The following EXTL3 variants were observed in gnomAD, a reference collection of about 807,000 sequenced individuals.
The protein encoded by EXTL3 is exostosin-like 3.
In EXTL3, 27 loss-of-function variants were observed where a neutral mutation model predicts 69.3. The observed-to-expected ratio is 0.39, with a 90% CI of 0.29 to 0.54. The LOEUF (loss-of-function observed/expected upper bound fraction) is 0.54, where lower values mean the gene tolerates loss of function less well. Among genes scored for constraint, EXTL3 ranks in the 20% least tolerant of loss-of-function variants. The pLI is 0.69. For synonymous variants in EXTL3, 511 were observed against 499.4 expected, an observed-to-expected ratio of 1.02 and a Z score of -0.31; for missense variants, 1,003 against 1,231.8, an observed-to-expected ratio of 0.81 and a Z score of 2.78.
rs1802013578 is a variant in EXTL3 at position 28,751,842 on chromosome 8, TCAG to T, written c.*981_*983del. 1 of 152,344 alleles carries T rather than the reference TCAG, an allele frequency of 6.6e-6. No homozygotes were observed. Among genetic ancestry groups the T allele is most frequent in the Non-Finnish European group, 1.5e-5 (1 of 68,160 alleles). The allele number at this position is 152,344 out of a possible 1,614,324, so 9.4% of individuals were successfully genotyped here. A position where few individuals can be genotyped will look rare whatever the true frequency, so the allele number is the denominator to read the frequency against. On this transcript the variant is annotated 3_prime_UTR_variant, in exon 7 of 7. Transcript: ENST00000220562. ...GCTCTTTCTTGGATTGGACAGGAGA[TCAG>T]CAGCGTGCACATCTGCTGTGGTCTG...
chr8:28,682,074 T>C (rs1193155542), intron 1 of EXTL3, among the ~76,000 whole-genome samples: 1 of 152,092 alleles, frequency 6.6e-6, no homozygotes, highest in Admixed American at 6.6e-5. Flanking sequence ...AACAACAATA[T>C]ATAAGGTTTG....
chr8:28,675,478 G>A (rs997529592), intron 1 of EXTL3, among the ~76,000 whole-genome samples: 2 of 151,960 alleles, frequency 1.3e-5, no homozygotes, highest in Admixed American at 1.3e-4. Context: ...CAGCACGCTC[G>A]GTCCTCTCTT....
chr8:28,716,013 A>G lies in EXTL3; in HGVS notation c.-47A>G. ...TTTTGTGGAATAGCAACCCATGGTTATGGCGAGTGACCCGACGTGATCTGG... is the reference window on the plus strand; with the variant it reads ...TTTTGTGGAATAGCAACCCATGGTTGTGGCGAGTGACCCGACGTGATCTGG... On this transcript the variant is annotated 5_prime_UTR_variant, in exon 3 of 7. The change abolishes an upstream ATG in the 5' untranslated region. Transcript: ENST00000220562. This position sits in a 1 kb window ranked among gnomAD's most constrained non-coding sequence, Gnocchi z 7.1. 1 of 1,498,574 alleles carries G rather than the reference A, an allele frequency of 6.7e-7. No individual in the cohort carries two copies. Among genetic ancestry groups the G allele is most frequent in the Non-Finnish European group, 9.1e-7 (1 of 1,097,526 alleles). 92.8% of individuals were successfully genotyped at this position (1,498,574 alleles called of 1,614,324 possible).
Position 28,627,437 on chromosome 8 carries a change from C to G in EXTL3, c.-53+4627C>G, listed in dbSNP as rs568527747. ...GAGCTGAGGAGGTAGAGAGAGGCTG[C>G]AGTGAGCTGTGATTGCATCACTGTA... On this transcript the variant is annotated intron_variant, in intron 1 of 6. Transcript: ENST00000523149. Among the ~76,000 whole-genome samples, 4 of 148,272 alleles carry G rather than the reference C, an allele frequency of 2.7e-5. No individual in the cohort carries two copies. The East Asian group carries it at 7.9e-4, about 29-fold the overall frequency.
At chr8:28,653,616 AAC>A (rs1423200566) in intron 1 of EXTL3, among the ~76,000 whole-genome samples, 1 of 152,138 alleles carries the variant, frequency 6.6e-6, no homozygotes, top group Non-Finnish European at 1.5e-5. Context: ...ATTTGTTGAA[AAC>A]ACTCTCTTTT....
chr8:28,723,668 G>T (rs1801347347), intron 3 of EXTL3, among the ~76,000 whole-genome samples: 1 of 140,972 alleles, frequency 7.1e-6, no homozygotes, highest in Non-Finnish European at 1.5e-5. Context: ...TTGAGACAGA[G>T]TCTCACGCTG....
At chr8:28,701,402 G>C (rs1192018329), upstream of EXTL3, 2 of 151,840 alleles carry the variant, frequency 1.3e-5, no homozygotes. Context: ...GGCGGTCTTC[G>C]GACGCGGTCG....
At chr8:28,619,914 A>T (rs777137737), upstream of EXTL3, among the ~76,000 whole-genome samples, 5 of 111,230 alleles carry the variant, frequency 4.5e-5, no homozygotes, top group Non-Finnish European at 6.6e-5. Context: ...TCTGTCTCCC[A>T]GGCTGGAGTA....
At chr8:28,740,436 A>T (rs1258455278) in intron 5 of EXTL3, 1 of 152,240 alleles carries the variant, frequency 6.6e-6, no homozygotes, top group Non-Finnish European at 1.5e-5. Context: ...GGAGCATGCC[A>T]CCACACCTGG....
rs1401634851 is a variant in EXTL3 at position 28,635,641 on chromosome 8, G to C, written c.-53+12831G>C. Among the ~76,000 whole-genome samples, 6 of 151,430 alleles carry C rather than the reference G, an allele frequency of 4.0e-5. No homozygotes were observed. The East Asian group carries it at 1.2e-3, about 30-fold the overall frequency. On this transcript the variant is annotated intron_variant, in intron 1 of 6. Transcript: ENST00000523149. ...CAGGAGAATGGTGTGAACCTGGGAG[G>C]TGGAGCTTGCAGTGAGCTGAGATCG...
chr8:28,629,896 G>A (rs1017434546), intron 1 of EXTL3, among the ~76,000 whole-genome samples: 2 of 152,158 alleles, frequency 1.3e-5, no homozygotes, highest in Non-Finnish European at 2.9e-5. Context: ...GATAAGCAGA[G>A]ATGCAAGAGA....
intron 3 of EXTL3, among the ~76,000 whole-genome samples, chr8:28,724,174 T>A (rs1801359919): frequency 6.6e-6 from 1 of 152,150 alleles, no homozygotes; most frequent in African/African-American, 2.4e-5. Context: ...TTTTTGGGCA[T>A]TTTCTGTGTG....
In EXTL3 at chr8:28,614,795, T is replaced by C. The variant is rs143515911; in HGVS notation, n.314+7037T>C. ...TTCTTGAGACTTCTTCCATGTATTA[T>C]TTAGAATTATGTTTTTCATTTCCAA... On this transcript the variant is annotated intron_variant and non_coding_transcript_variant, in intron 2 of 4. Coordinates refer to the EXTL3 transcript ENST00000522725. 7.9e-5 allele frequency among the ~76,000 whole-genome samples: 12 copies of C among 152,352 alleles called. No homozygotes were observed. The East Asian group carries it at 1.7e-3, about 22-fold the overall frequency.
intron 1 of EXTL3, among the ~76,000 whole-genome samples, chr8:28,656,650 T>C (rs888999789): frequency 2.0e-5 from 3 of 152,174 alleles, no homozygotes; most frequent in Non-Finnish European, 4.4e-5. Context: ...GTCTACTGTA[T>C]TTTTTCAAGT....
At position 28,623,151 on chromosome 8, in the gene EXTL3, C is replaced by CA. The variant is rs1806440571; in HGVS notation, c.-53+342dup. ...AGAACTGGGAGAGTGTGGCTGTCGGCAGGGGTCCGTATCACACTGTGGGCG... is the reference window on the plus strand; with the variant it reads ...AGAACTGGGAGAGTGTGGCTGTCGGCAAGGGGTCCGTATCACACTGTGGGCG... On this transcript the variant is annotated intron_variant, in intron 1 of 6. Coordinates refer to the EXTL3 transcript ENST00000523149. This position sits in a 1 kb window ranked among gnomAD's most constrained non-coding sequence, Gnocchi z 4.2. Among the ~76,000 whole-genome samples the CA allele has an allele frequency of 6.6e-6, 1 of 152,064 alleles. No homozygotes were observed. Among genetic ancestry groups the CA allele is most frequent in the African/African-American group, 2.4e-5 (1 of 41,478 alleles).
chr8:28,619,079 G>A (rs1292175223), upstream of EXTL3, among the ~76,000 whole-genome samples: 1 of 117,704 alleles, frequency 8.5e-6, no homozygotes, highest in African/African-American at 3.2e-5. Context: ...GACACAGCGT[G>A]AGACTCCGTC....
intron 1 of EXTL3, among the ~76,000 whole-genome samples, chr8:28,706,765 T>C (rs1800931640): frequency 1.3e-5 from 2 of 152,218 alleles, no homozygotes. Flanking sequence ...TTTATGTCCG[T>C]TGACCACTGT....
intron 1 of EXTL3, among the ~76,000 whole-genome samples, chr8:28,646,895 G>A (rs1806839253): frequency 6.6e-6 from 1 of 152,132 alleles, no homozygotes; most frequent in Non-Finnish European, 1.5e-5. Flanking sequence ...TTACAGCTAA[G>A]TGCCAAGTAC....
intron 1 of EXTL3, among the ~76,000 whole-genome samples, chr8:28,684,333 A>G (rs1807542555): frequency 6.6e-6 from 1 of 152,142 alleles, no homozygotes; most frequent in South Asian, 2.1e-4. Flanking sequence ...TTCTATTTTT[A>G]GTTTTTTGAG....
Sources: allele counts gnomAD v4.1 joint callset (sites outside exome capture counted in the v4.1 genomes callset), GRCh38; gene constraint gnomAD v4.1.1; non-coding constraint Gnocchi (gnomAD v3.1); transcripts MANE v1.5; gene names NCBI Gene and HGNC (gene_info 2026-07-23, HGNC 2026-07-21).